Variants in RCCD1 observed in about 807,000 individuals in gnomAD.
The protein encoded by RCCD1 is RCC1 domain-containing protein 1.
A neutral mutation model predicts 37.6 loss-of-function variants in RCCD1; 40 were observed. The ratio of observed to expected loss-of-function variants is 1.06; its 90% CI spans 0.83 to 1.39. RCCD1 has a LOEUF of 1.39. RCCD1 is among the 40% of genes most tolerant of loss of function. The pLI, the probability that RCCD1 is intolerant of heterozygous loss-of-function variation, is 0.00. For missense variants in RCCD1, 577 were observed against 517.3 expected, an observed-to-expected ratio of 1.12 and a Z score of -1.12; for synonymous variants, 263 against 230.0, an observed-to-expected ratio of 1.14 and a Z score of -1.30.
At chr15:90,959,442 C>T (rs1567169038) in intron 4 of RCCD1, among the ~76,000 whole-genome samples, 1 of 152,306 alleles carries the variant, frequency 6.6e-6, no homozygotes, top group East Asian at 1.9e-4. Context: ...CACAGGCCGG[C>T]CCAGTGGTTG....
intron 7 of RCCD1, 195 bp downstream of exon 7, chr15:90,961,249 A>T (rs981820456): frequency 1.6e-6 from 1 of 611,786 alleles, no homozygotes; most frequent in Admixed American, 2.9e-5. Context: ...CAGGGGAGAC[A>T]TGGAGAGGAT....
At position 90,957,336 on chromosome 15, in the gene RCCD1, G is replaced by T. The variant is rs1407700154; in HGVS notation, c.390G>T (p.Gln130His). The T allele has an allele frequency of 1.3e-6, 2 of 1,546,602 alleles. No individual in the cohort carries two copies. The highest frequency in any genetic ancestry group is 3.9e-5 in the Admixed American group (2 of 50,878). The change falls in exon 3 of 8, where the codon CAG (glutamine) becomes CAT (histidine). Residue 130 changes from glutamine to histidine, a missense_variant. Transcript: ENST00000394258. ...AAGACGATCCGGCCGGTGAGGCCCA[G>T]GCTGGGAGGCTACCCCTGCTGCCCT... ...EGEDDPAGEA[Q>H]AGRLPLLPCA...
chr15:90,957,279 G>C lies in RCCD1; in HGVS notation c.333G>C (p.Trp111Cys), dbSNP rs1169262741. The C allele has an allele frequency of 6.6e-7, 1 of 1,515,326 alleles. No homozygotes were observed. The highest frequency in any genetic ancestry group is 8.9e-7 in the Non-Finnish European group (1 of 1,127,634). 93.9% of individuals were successfully genotyped at this position (1,515,326 alleles called of 1,614,324 possible). A position where few individuals can be genotyped will look rare whatever the true frequency, so the allele number is the denominator to read the frequency against. ...AESALRGEPL[W>C]AQNVVPEAEG... ...CGGCGCTGCGTGGGGAGCCATTGTG[G>C]GCCCAGAATGTGGTGCCCGAGGCCG... Residue 111 changes from tryptophan (W) to cysteine (C), a missense_variant, in exon 3 of 8, where the codon TGG becomes TGC. Trp to Cys is a radical substitution (Grantham distance 215). Coordinates refer to ENST00000394258, the MANE Select transcript of RCCD1 (RefSeq NM_001017919.2).
rs2037227561 is a variant in RCCD1 at position 90,957,603 on chromosome 15, G to A, written c.558-1G>A. 1 of 1,614,114 alleles carries A rather than the reference G, an allele frequency of 6.2e-7. No individual in the cohort carries two copies. The highest frequency in any genetic ancestry group is 8.5e-7 in the Non-Finnish European group (1 of 1,180,020). On this transcript the variant is annotated splice_acceptor_variant, in intron 3 of 7. Coordinates refer to ENST00000394258, the MANE Select transcript of RCCD1 (RefSeq NM_001017919.2). LOFTEE classifies it high-confidence loss of function. ...AGCTGACGACGGTCTCCCTTGCTCAGGCATGGACAGCTGGGCCATGGGACC... is the reference window on the plus strand; with the variant it reads ...AGCTGACGACGGTCTCCCTTGCTCAAGCATGGACAGCTGGGCCATGGGACC...
rs1362910164 is a variant in RCCD1, at chr15:90,961,954, G to C, written c.*185G>C. On this transcript the variant is annotated 3_prime_UTR_variant, in exon 8 of 8. Transcript: ENST00000394258. The stretch of plus-strand genomic sequence containing the variant: ...CCTGGAGAGCATTGAAAACTCTGCT[G>C]CCTAAGGTCAGCATCAATCAAAACA... 1.5e-5 allele frequency: 7 copies of C among 474,786 alleles called. No homozygotes were observed. Among genetic ancestry groups the C allele is most frequent in the Non-Finnish European group, 2.6e-5 (7 of 269,608 alleles). 29.4% of individuals were successfully genotyped at this position (474,786 alleles called of 1,614,324 possible). A position where few individuals can be genotyped will look rare whatever the true frequency, so the allele number is the denominator to read the frequency against.
In RCCD1 at chr15:90,957,417, G is replaced by T; in HGVS notation, c.471G>T (p.Glu157Asp). ...CCTTCTACCGGCCTCTGGCTCCGGA[G>T]CTGCGGGCACGCCAGCTGGAGCTGG... ...RAPFYRPLAPELRARQLELGA... is the reference protein window; with the variant it reads ...RAPFYRPLAPDLRARQLELGA... The change falls in exon 3 of 8, where the codon GAG (glutamate) becomes GAT (aspartate). Residue 157 changes from glutamate (E) to aspartate (D), a missense_variant. Coordinates refer to ENST00000394258, the MANE Select transcript of RCCD1 (RefSeq NM_001017919.2). The T allele has an allele frequency of 6.5e-7, 1 of 1,540,268 alleles. No homozygotes were observed.
Position 90,960,409 on chromosome 15 carries a change from TC to T in RCCD1, c.862del (p.Gln288SerfsTer28). ...EDGAPAPFIA[V>X]QPFPALLDLP... is the part of the protein sequence containing the mutation. ...GGAGCCCCTGCCCCCTTCATAGCTG[TC>T]CAGCCCTTCCCGGCATTACTGGATC... On this transcript the variant is annotated frameshift_variant, in exon 6 of 8. Coordinates refer to ENST00000394258, the MANE Select transcript of RCCD1 (RefSeq NM_001017919.2). LOFTEE classifies it high-confidence loss of function. 6.2e-7 allele frequency: 1 copy of T among 1,613,828 alleles called. No individual in the cohort carries two copies. Among genetic ancestry groups the T allele is most frequent in the Non-Finnish European group, 8.5e-7 (1 of 1,179,990 alleles).
At chr15:90,960,729 G>C (rs1047939969) in intron 6 of RCCD1, 2 of 610,524 alleles carry the variant, frequency 3.3e-6, no homozygotes, top group East Asian at 2.8e-5. Context: ...CTCCCTGCAC[G>C]GCCACAGACA....
At chr15:90,961,446 C>T (rs1274452952) in intron 7 of RCCD1, 172 bp from the exon 8 acceptor site, 4 of 675,800 alleles carry the variant, frequency 5.9e-6, no homozygotes, top group South Asian at 4.1e-5. Context: ...AGTGGCTGGT[C>T]GCCACTAGCC....
chr15:90,959,123 C>A (rs2037263867), intron 4 of RCCD1, among the ~76,000 whole-genome samples: 2 of 152,054 alleles, frequency 1.3e-5, no homozygotes, highest in African/African-American at 4.8e-5. Context: ...ATTGCTCGGG[C>A]CCTGGGACCT....
intron 7 of RCCD1, 147 bp downstream of exon 7, chr15:90,961,201 G>A: frequency 1.3e-6 from 1 of 760,404 alleles, no homozygotes; most frequent in South Asian, 1.8e-5. Context: ...CCTCCCTGGG[G>A]TTGGAACAGA....
intron 2 of RCCD1, 25 bp from the exon 3 acceptor site, chr15:90,957,088 C>A (rs2037211893): frequency 8.3e-6 from 11 of 1,324,610 alleles, no homozygotes; most frequent in Middle Eastern, 2.8e-4. Context: ...CCATTCTGGC[C>A]ACCCTGCTCC....
Position 90,957,588 on chromosome 15 carries a change from G to A in RCCD1, c.558-16G>A, listed in dbSNP as rs368252903. On this transcript the variant is annotated splice_polypyrimidine_tract_variant and intron_variant, in intron 3 of 7. Transcript: ENST00000394258. Reference sequence around the variant, plus strand: ...CCTTAATGCGACTGTAGCTGACGACGGTCTCCCTTGCTCAGGCATGGACAG... The same window carrying A: ...CCTTAATGCGACTGTAGCTGACGACAGTCTCCCTTGCTCAGGCATGGACAG... 18 of 1,613,786 alleles carry A rather than the reference G, an allele frequency of 1.1e-5. No individual in the cohort carries two copies. The highest frequency in any genetic ancestry group is 5.3e-5 in the African/African-American group (4 of 74,938).
intron 1 of RCCD1, among the ~76,000 whole-genome samples, 179 bp from the exon 2 acceptor site, chr15:90,956,433 G>A (rs989396537): frequency 6.6e-6 from 1 of 152,210 alleles, no homozygotes; most frequent in African/African-American, 2.4e-5. Flanking sequence ...AGGCCACTTC[G>A]TACCCACTTT....
In RCCD1 at chr15:90,956,711, G is replaced by T. The variant is rs750824215; in HGVS notation, c.-24G>T. 7.9e-7 allele frequency: 1 copy of T among 1,265,834 alleles called. No homozygotes were observed. Among genetic ancestry groups the T allele is most frequent in the Non-Finnish European group, 9.9e-7 (1 of 1,005,802 alleles). 78.4% of individuals were successfully genotyped at this position (1,265,834 alleles called of 1,614,324 possible). On this transcript the variant is annotated 5_prime_UTR_variant, in exon 2 of 8. Coordinates refer to ENST00000394258, the MANE Select transcript of RCCD1 (RefSeq NM_001017919.2). ...CCGGGCCCGCCGCAGCCAGGCGGCG[G>T]CCGGCAGAGGGCGCTGCTCGGGCAT...
At position 90,957,296 on chromosome 15, in the gene RCCD1, C is replaced by T; in HGVS notation, c.350C>T (p.Pro117Leu). ...GEPLWAQNVV[P>L]EAEGEDDPAG... ...CCATTGTGGGCCCAGAATGTGGTGC[C>T]CGAGGCCGAAGGGGAAGACGATCCG... is the stretch of plus-strand genomic sequence containing the variant. Residue 117 changes from proline to leucine, a missense_variant, in exon 3 of 8, where the codon CCC (proline) becomes CTC (leucine). Pro to Leu is a moderately conservative substitution (Grantham distance 98, BLOSUM62 -3). Coordinates refer to ENST00000394258, the MANE Select transcript of RCCD1 (RefSeq NM_001017919.2). The T allele has an allele frequency of 6.5e-7, 1 of 1,530,766 alleles. No homozygotes were observed. The highest frequency in any genetic ancestry group is 8.8e-7 in the Non-Finnish European group (1 of 1,135,776). The allele number at this position is 1,530,766 out of a possible 1,614,324, so 94.8% of individuals were successfully genotyped here.
chr15:90,959,003 C>T (rs1230441258), intron 4 of RCCD1, among the ~76,000 whole-genome samples: 1 of 149,526 alleles, frequency 6.7e-6, no homozygotes, highest in Non-Finnish European at 1.5e-5. Flanking sequence ...GGGCTGGAAA[C>T]AGCCCAGTGG....
At chr15:90,960,530 TC>T (rs1596254898) in intron 6 of RCCD1, 32 bp downstream of exon 6, 1 of 1,584,158 alleles carries the variant, frequency 6.3e-7, no homozygotes, top group Non-Finnish European at 8.6e-7. Flanking sequence ...TCTGCTCCAC[TC>T]GAGCTGGTGC....
intron 1 of RCCD1, among the ~76,000 whole-genome samples, chr15:90,956,165 C>T (rs1195905847): frequency 3.9e-5 from 6 of 152,194 alleles, no homozygotes; most frequent in Admixed American, 3.9e-4. Context: ...CACTGCCTCC[C>T]AAACGCTCTT....
Sources: allele counts gnomAD v4.1 joint callset (sites outside exome capture counted in the v4.1 genomes callset), GRCh38; gene constraint gnomAD v4.1.1; transcripts MANE v1.5; gene names NCBI Gene and HGNC (gene_info 2026-07-23, HGNC 2026-07-21).